TIMMDC1: variants seen among roughly 807,000 people sequenced by gnomAD.
TIMMDC1 encodes complex I assembly factor TIMMDC1, mitochondrial.
Under a neutral mutation model 32.6 loss-of-function variants are expected in TIMMDC1, and 25 were observed. That is an observed-to-expected ratio of 0.77 (90% CI 0.56 to 1.07). The LOEUF is 1.07. TIMMDC1 is among the 50% of genes least tolerant of loss of function. The probability of loss-of-function intolerance (pLI) is 0.00; values close to 1 mark genes in which losing one functional copy is unlikely to be tolerated. For synonymous variants in TIMMDC1, 130 were observed against 127.6 expected (o/e 1.02, Z -0.13); for missense variants, 329 against 349.2 (o/e 0.94, Z 0.46).
chr3:119,503,748 T>C (rs934409937), intron 3 of TIMMDC1, 128 bp downstream of exon 3: 5 of 887,388 alleles, frequency 5.6e-6, no homozygotes, highest in African/African-American at 5.1e-5. Context: ...CTTTTTTTTT[T>C]TTTCAAGAAC....
Position 119,498,799 on chromosome 3 carries a change from C to T in TIMMDC1, c.66C>T (p.Val22=). 6.2e-7 allele frequency: 1 copy of T among 1,614,248 alleles called. No homozygotes were observed. Among genetic ancestry groups the T allele is most frequent in the Non-Finnish European group, 8.5e-7 (1 of 1,180,054 alleles). Residue 22 remains valine (V), a synonymous_variant, in exon 1 of 7, where the codon GTC becomes GTT. Coordinates refer to ENST00000494664, the MANE Select transcript of TIMMDC1 (RefSeq NM_016589.4). ...LCRALCLFPR[V]FAAEAVTADS... is the part of the protein sequence containing the mutation. ...GAGCATTGTGCCTATTTCCCCGAGTCTTTGCTGCCGAAGCTGTGACTGCCG... is the reference window on the plus strand; with the variant it reads ...GAGCATTGTGCCTATTTCCCCGAGTTTTTGCTGCCGAAGCTGTGACTGCCG...
At chr3:119,511,145 T>C (rs1427677562) in intron 4 of TIMMDC1, among the ~76,000 whole-genome samples, 1 of 152,178 alleles carries the variant, frequency 6.6e-6, no homozygotes, top group Admixed American at 6.5e-5. Context: ...TTTCAAATTA[T>C]TGCACATTTC....
intron 6 of TIMMDC1, among the ~76,000 whole-genome samples, chr3:119,522,609 A>G (rs1018425004): frequency 4.6e-5 from 7 of 152,228 alleles, no homozygotes; most frequent in Non-Finnish European, 1.0e-4. Flanking sequence ...GAGGTGATGC[A>G]TATGCTAATT....
Position 119,500,739 on chromosome 3 carries a change from C to T in TIMMDC1, c.239C>T (p.Thr80Met), listed in dbSNP as rs113067251. 7 of 1,613,864 alleles carry T rather than the reference C, an allele frequency of 4.3e-6. No homozygotes were observed. Among genetic ancestry groups the T allele is most frequent in the South Asian group, 3.3e-5 (3 of 91,046 alleles). The change falls in exon 2 of 7, where the codon ACG becomes ATG. Residue 80 changes from threonine (T) to methionine (M), a missense_variant. Transcript: ENST00000494664. ...ISKDLANICKTAATAGIIGWV... is the reference protein window; with the variant it reads ...ISKDLANICKMAATAGIIGWV... ...AAGGACCTTGCTAATATCTGTAAGA[C>T]GGCAGCTACAGCAGGCATCATTGGC...
chr3:119,499,097 T>TC (rs2081848289), intron 1 of TIMMDC1, among the ~76,000 whole-genome samples, 170 bp downstream of exon 1: 2 of 147,686 alleles, frequency 1.4e-5, no homozygotes, highest in South Asian at 4.4e-4. Flanking sequence ...TCTTTCTTTT[T>TC]TTTTTTTTTT....
chr3:119,520,934 C>T (rs115453680), intron 6 of TIMMDC1, among the ~76,000 whole-genome samples: 1,929 of 152,142 alleles, frequency 0.013, 48 homozygotes, highest in African/African-American at 0.044. Flanking sequence ...GTGCAGCATA[C>T]ACAAATCAAT....
rs373679007 is a variant in TIMMDC1, at chr3:119,523,632, A to G, written c.734A>G (p.His245Arg). The G allele has an allele frequency of 5.0e-4, 812 of 1,610,886 alleles. No individual in the cohort carries two copies. The highest frequency in any genetic ancestry group is 6.3e-4 in the Non-Finnish European group (741 of 1,178,758). ...EWKGRLQVTEHLPEKIESSLQ... is the reference protein window; with the variant it reads ...EWKGRLQVTERLPEKIESSLQ... ...AAAGGCAGACTACAAGTTACTGAGC[A>G]CCTCCCTGAGAAAATTGAAAGTAGT... Residue 245 changes from histidine to arginine, a missense_variant, in exon 7 of 7, where the codon CAC (histidine) becomes CGC (arginine). Transcript: ENST00000494664.
intron 4 of TIMMDC1, among the ~76,000 whole-genome samples, chr3:119,512,043 T>G (rs1363782793): frequency 6.6e-6 from 1 of 152,184 alleles, no homozygotes; most frequent in African/African-American, 2.4e-5. Context: ...TTCATTTCTG[T>G]GAGTTTGTCC....
At chr3:119,518,552 T>C in intron 6 of TIMMDC1, among the ~76,000 whole-genome samples, 1 of 123,180 alleles carries the variant, frequency 8.1e-6, no homozygotes, top group African/African-American at 4.3e-5. Context: ...ATACTTCATC[T>C]CAAAAAAAAA....
intron 2 of TIMMDC1, among the ~76,000 whole-genome samples, chr3:119,503,311 G>A (rs1480773762): frequency 7.2e-5 from 11 of 152,124 alleles, no homozygotes; most frequent in Admixed American, 7.2e-4. Context: ...ATCAGATAAG[G>A]GATACTCAAC....
intron 1 of TIMMDC1, among the ~76,000 whole-genome samples, chr3:119,499,217 C>T (rs574944278): frequency 1.1e-4 from 17 of 150,324 alleles, no homozygotes; most frequent in African/African-American, 3.7e-4. Flanking sequence ...CCTCAGCCTC[C>T]CGATTAATTG....
rs78058140 is a variant in TIMMDC1, at chr3:119,517,326, T to C, written c.707+11T>C. On this transcript the variant is annotated intron_variant, in intron 6 of 6. Transcript: ENST00000494664. ...AAAACTGGAAGAGTGGTAAGGAACA[T>C]GTTGAGCCCAGGGAATCTTGGCTCT... 10,307 of 1,580,598 alleles carry C rather than the reference T, an allele frequency of 6.5e-3. 40 individuals are homozygous for C. Among genetic ancestry groups the C allele is most frequent in the Non-Finnish European group, 7.8e-3 (8,931 of 1,149,600 alleles).
At chr3:119,509,636 A>T (rs2081940669) in intron 4 of TIMMDC1, among the ~76,000 whole-genome samples, 1 of 152,092 alleles carries the variant, frequency 6.6e-6, no homozygotes, top group African/African-American at 2.4e-5. Context: ...GTAATGATGG[A>T]ATCATTTAAA....
At chr3:119,505,921 T>A (rs56193204) in intron 4 of TIMMDC1, among the ~76,000 whole-genome samples, 3 of 152,302 alleles carry the variant, frequency 2.0e-5, no homozygotes, top group Non-Finnish European at 4.4e-5. Context: ...TTTTTTTAAC[T>A]TTTAACTTCA....
At chr3:119,509,034 C>T (rs1355250448) in intron 4 of TIMMDC1, among the ~76,000 whole-genome samples, 4 of 152,016 alleles carry the variant, frequency 2.6e-5, no homozygotes, top group Non-Finnish European at 5.9e-5. Flanking sequence ...GGTGAAACCT[C>T]GCCTCCACTA....
chr3:119,511,476 TA>T (rs1044633824), intron 4 of TIMMDC1, among the ~76,000 whole-genome samples: 63 of 139,138 alleles, frequency 4.5e-4, no homozygotes, highest in Admixed American at 6.6e-4. Context: ...GACTCCATCT[TA>T]AAAAAAAAAA....
chr3:119,500,552 G>T, intron 1 of TIMMDC1, 143 bp from the exon 2 acceptor site: 1 of 703,536 alleles, frequency 1.4e-6, no homozygotes. Context: ...TAATATAACT[G>T]AACTGTTTAA....
At chr3:119,501,230 G>A (rs1251541246) in intron 2 of TIMMDC1, among the ~76,000 whole-genome samples, 3 of 152,150 alleles carry the variant, frequency 2.0e-5, no homozygotes, top group African/African-American at 2.4e-5. Flanking sequence ...TAACTTTATA[G>A]AGTGCTAACT....
At position 119,513,696 on chromosome 3, in the gene TIMMDC1, T is replaced by G. The variant is rs768107745; in HGVS notation, c.573T>G (p.Gly191=). The G allele has an allele frequency of 5.0e-6, 8 of 1,609,060 alleles. No individual in the cohort carries two copies. In the African/African-American group the frequency reaches 5.4e-5, roughly 11 times the overall value. The change falls in exon 5 of 7, where the codon GGT becomes GGG. Residue 191 remains glycine, a synonymous_variant. Coordinates refer to ENST00000494664, the MANE Select transcript of TIMMDC1 (RefSeq NM_016589.4). Reference sequence around the variant, plus strand: ...TAGGCCTGCGTGGCCTGGTGGCTGGTGGCATAATTGGAGCCTTGCTGGGGT... The same window carrying G: ...TAGGCCTGCGTGGCCTGGTGGCTGGGGGCATAATTGGAGCCTTGCTGGGGT... ...INVGLRGLVA[G]GIIGALLGTP... is the part of the protein sequence containing the mutation.
Sources: gnomAD v4.1 joint callset for allele counts (sites outside exome capture counted in the v4.1 genomes callset) on GRCh38, gnomAD v4.1.1 for gene constraint, MANE v1.5 for transcripts, NCBI Gene and HGNC (gene_info 2026-07-23, HGNC 2026-07-21) for gene names.